Variants in B3GALNT2 observed in about 807,000 individuals in gnomAD.
B3GALNT2 encodes the protein UDP-GalNAc:beta-1,3-N-acetylgalactosaminyltransferase 2.
B3GALNT2 carries 53 observed loss-of-function variants against 61.1 expected under a neutral mutation model. The ratio of observed to expected loss-of-function variants is 0.87; its 90% CI spans 0.70 to 1.09. The LOEUF is 1.09. B3GALNT2 is among the 50% of genes least tolerant of loss of function. B3GALNT2 has a pLI of 0.00. For synonymous variants in B3GALNT2, 223 were observed against 237.4 expected (o/e 0.94, Z 0.56); for missense variants, 544 against 623.0 (o/e 0.87, Z 1.35).
In B3GALNT2 at chr1:235,484,440, C is replaced by T. The variant is rs1482101018; in HGVS notation, c.437G>A (p.Ser146Asn). ...SSGLPEDRVV[S>N]VSFRVLYPIV... is the part of the protein sequence containing the mutation. ...GGGGTAGAGAACTCGGAAACTCACGCTGACAACTCGATCCTCAGGCAGCCC... is the reference window on the plus strand; with the variant it reads ...GGGGTAGAGAACTCGGAAACTCACGTTGACAACTCGATCCTCAGGCAGCCC... The change falls in exon 4 of 12, where the codon AGC becomes AAC. Residue 146 changes from serine to asparagine, a missense_variant. Coordinates refer to ENST00000366600, the MANE Select transcript of B3GALNT2 (RefSeq NM_152490.5). 4 of 1,614,070 alleles carry T rather than the reference C, an allele frequency of 2.5e-6. No individual in the cohort carries two copies. The African/African-American group carries it at 5.3e-5, about 22-fold the overall frequency.
intron 3 of B3GALNT2, among the ~76,000 whole-genome samples, chr1:235,488,692 CAAAAAAAAAAA>C (rs11436508): frequency 2.6e-3 from 99 of 38,020 alleles, no homozygotes; most frequent in African/African-American, 0.01. Flanking sequence ...ACTCCATCTC[CAAAAAAAAAAA>C]AAAAAAAAAA....
intron 5 of B3GALNT2, 144 bp from the exon 6 acceptor site, chr1:235,471,104 T>TGAA: frequency 7.0e-7 from 1 of 1,426,536 alleles, no homozygotes. Flanking sequence ...GACATACCAC[T>TGAA]GTTAGCGTTT....
At chr1:235,475,214 G>A (rs962077380) in intron 5 of B3GALNT2, among the ~76,000 whole-genome samples, 2 of 151,260 alleles carry the variant, frequency 1.3e-5, no homozygotes, top group African/African-American at 4.9e-5. Context: ...AGCCAGGATG[G>A]TCTGGATTTC....
chr1:235,496,532 G>A (rs1156945357), intron 1 of B3GALNT2, among the ~76,000 whole-genome samples: 1 of 151,392 alleles, frequency 6.6e-6, no homozygotes, highest in African/African-American at 2.4e-5. Context: ...AACCCTATGA[G>A]GTAGGTACTT....
chr1:235,480,337 G>A (rs953827712), intron 4 of B3GALNT2, among the ~76,000 whole-genome samples, 188 bp from the exon 5 acceptor site: 13 of 151,884 alleles, frequency 8.6e-5, no homozygotes, highest in Admixed American at 6.6e-4. Flanking sequence ...ATTAAATAAC[G>A]ATATTTAAGG....
Position 235,494,675 on chromosome 1 carries a change from A to G in B3GALNT2, c.260+6T>C. 1 of 1,608,794 alleles carries G rather than the reference A, an allele frequency of 6.2e-7. No homozygotes were observed. The highest frequency in any genetic ancestry group is 8.5e-7 in the Non-Finnish European group (1 of 1,176,942). ...ACCAGGCAAGGCAACAACTCAGAAAACCTACCGTTGACTTAATGTGGGATG... is the reference window on the plus strand; with the variant it reads ...ACCAGGCAAGGCAACAACTCAGAAAGCCTACCGTTGACTTAATGTGGGATG... On this transcript the variant is annotated splice_donor_region_variant and intron_variant, in intron 2 of 11. Transcript: ENST00000366600.
intron 1 of B3GALNT2, among the ~76,000 whole-genome samples, chr1:235,496,551 T>C (rs1346707064): frequency 6.7e-6 from 1 of 150,202 alleles, no homozygotes; most frequent in East Asian, 1.9e-4. Context: ...TTGTTTCTTT[T>C]TTTTTTTTTT....
downstream of B3GALNT2, chr1:235,442,716 G>T (rs1022942793): frequency 7.6e-5 from 59 of 772,042 alleles, no homozygotes; most frequent in Middle Eastern, 5.2e-4. Context: ...TTAATAGAAA[G>T]AATTTTAAAC....
intron 2 of B3GALNT2, among the ~76,000 whole-genome samples, chr1:235,494,148 TGAA>T (rs1260801458): frequency 3.3e-5 from 5 of 152,190 alleles, no homozygotes; most frequent in African/African-American, 1.2e-4. Context: ...TTTATCTCTG[TGAA>T]GTTAGTGAAA....
At chr1:235,439,858 G>A in the B3GALNT2 span, among the ~76,000 whole-genome samples, 2 of 151,974 alleles carry the variant, frequency 1.3e-5, no homozygotes, top group Admixed American at 1.3e-4. Context: ...CTGGAGTGCA[G>A]TGGCACAATC....
At position 235,450,280 on chromosome 1, in the gene B3GALNT2, A is replaced by AAT. The variant is rs768024380; in HGVS notation, c.1427_1428dup (p.Ser477IlefsTer6). The stretch of plus-strand genomic sequence containing the variant: ...CACAGTTCCGTCAGTTCCCACGGAG[A>AAT]ATACTGAGGAGAAGACAGCATTCCT... On this transcript the variant is annotated frameshift_variant, in exon 12 of 12. Coordinates refer to ENST00000366600, the MANE Select transcript of B3GALNT2 (RefSeq NM_152490.5). LOFTEE classifies it low-confidence loss of function (END_TRUNC). 1.2e-6 allele frequency: 2 copies of AAT among 1,613,924 alleles called. No homozygotes were observed. Among genetic ancestry groups the AAT allele is most frequent in the Non-Finnish European group, 1.7e-6 (2 of 1,179,790 alleles).
chr1:235,479,180 T>G (rs376462819), intron 5 of B3GALNT2: 1 of 152,250 alleles, frequency 6.6e-6, no homozygotes, highest in Non-Finnish European at 1.5e-5. Context: ...ACATTGTGAA[T>G]GGCACACCAC....
In B3GALNT2 at chr1:235,453,124, A is replaced by G. The variant is rs1683004792; in HGVS notation, c.1334T>C (p.Ile445Thr). ...TYQGEDVSMG[I>T]WMAAIGPKRY... is the part of the protein sequence containing the mutation. ...TTTAGGTCCTATGGCAGCCATCCAG[A>G]TGCCCATGCTTACATCTTCACCCTA... is the stretch of plus-strand genomic sequence containing the variant. Residue 445 changes from isoleucine (I) to threonine (T), a missense_variant, in exon 11 of 12, where the codon ATC becomes ACC. Transcript: ENST00000366600. 1 of 1,613,100 alleles carries G rather than the reference A, an allele frequency of 6.2e-7. No individual in the cohort carries two copies. The highest frequency in any genetic ancestry group is 8.5e-7 in the Non-Finnish European group (1 of 1,179,124).
At chr1:235,497,336 G>C (rs1277613822) in intron 1 of B3GALNT2, among the ~76,000 whole-genome samples, 1 of 152,174 alleles carries the variant, frequency 6.6e-6, no homozygotes, top group Admixed American at 6.5e-5. Flanking sequence ...CCAAGATTTT[G>C]CATTACGTTA....
intron 2 of B3GALNT2, among the ~76,000 whole-genome samples, chr1:235,494,084 C>T (rs1299437862): frequency 6.6e-6 from 1 of 152,156 alleles, no homozygotes; most frequent in Non-Finnish European, 1.5e-5. Context: ...TGGCATATTA[C>T]ACATACTGCA....
chr1:235,452,355 T>A (rs957441497), intron 11 of B3GALNT2: 3 of 152,166 alleles, frequency 2.0e-5, no homozygotes, highest in Non-Finnish European at 4.4e-5. Flanking sequence ...GAACGTTGAT[T>A]TATAACCTTT....
At chr1:235,465,746 A>C (rs772862261) in intron 6 of B3GALNT2, 32 bp from the exon 7 acceptor site, 1 of 1,601,546 alleles carries the variant, frequency 6.2e-7, no homozygotes. Context: ...TCAGTGATTC[A>C]TTACTAAAAA....
chr1:235,472,123 A>G (rs1403605477), intron 5 of B3GALNT2, among the ~76,000 whole-genome samples: 1 of 152,154 alleles, frequency 6.6e-6, no homozygotes, highest in Non-Finnish European at 1.5e-5. Context: ...CAAGCTTTTA[A>G]TAAAGTAATT....
chr1:235,471,011 G>C (rs1385312592), intron 5 of B3GALNT2, 51 bp from the exon 6 acceptor site: 1 of 1,583,746 alleles, frequency 6.3e-7, no homozygotes, highest in African/African-American at 1.4e-5. Context: ...CTGTCATTTA[G>C]GTTTTAAGTA....
Sources: gnomAD v4.1 joint callset for allele counts (sites outside exome capture counted in the v4.1 genomes callset) on GRCh38, gnomAD v4.1.1 for gene constraint, MANE v1.5 for transcripts, NCBI Gene and HGNC (gene_info 2026-07-23, HGNC 2026-07-21) for gene names.